The following NSDHL variants were observed in gnomAD, a reference collection of about 807,000 sequenced individuals.
The protein encoded by NSDHL is NAD(P) dependent 3-beta-hydroxysteroid dehydrogenase NSDHL.
Under a neutral mutation model 23.0 loss-of-function variants are expected in NSDHL, and 1 was observed. That is an observed-to-expected ratio of 0.04 (90% CI 0.02 to 0.21). The LOEUF is 0.21. Among genes scored for constraint, NSDHL ranks in the 10% least tolerant of loss-of-function variants. NSDHL has a pLI of 1.00. For synonymous variants in NSDHL, 128 were observed against 121.1 expected (o/e 1.06, Z -0.37); for missense variants, 237 against 300.9 (o/e 0.79, Z 1.57).
chrX:152,835,316 A>G (rs1435373042), intron 1 of NSDHL, among the ~76,000 whole-genome samples: 1 of 105,864 alleles, frequency 9.4e-6, no homozygotes, highest in African/African-American at 3.5e-5. Context: ...TTTAATTATT[A>G]TTATACTTTA....
chrX:152,862,842 A>T, intron 5 of NSDHL, 118 bp downstream of exon 5: 1 of 730,837 alleles, frequency 1.4e-6, no homozygotes. Flanking sequence ...TGAGATGTAA[A>T]ATTTGTGGGT....
chrX:152,843,238 C>T (rs1384748567), intron 1 of NSDHL, among the ~76,000 whole-genome samples: 2 of 111,940 alleles, frequency 1.8e-5, no homozygotes, highest in African/African-American at 3.3e-5. Flanking sequence ...GGCTCTAAGG[C>T]TTCTTGCTTT....
intron 1 of NSDHL, among the ~76,000 whole-genome samples, chrX:152,840,812 T>C (rs1356839138): frequency 1.8e-5 from 2 of 112,784 alleles, no homozygotes; most frequent in African/African-American, 6.4e-5. Flanking sequence ...TCAAACGCCA[T>C]GCTGGGAGAA....
chrX:152,867,463 C>T (rs1005816969), intron 6 of NSDHL, 108 bp from the exon 7 acceptor site: 55 of 603,689 alleles, frequency 9.1e-5, no homozygotes, highest in African/African-American at 2.2e-5. Flanking sequence ...AGTGAGGTGG[C>T]AGCCATTCTG....
rs1016106756 is a variant in NSDHL, at chrX:152,868,686, A to G, written c.790-98A>G. ...GGCCACGTGGAAAGCTGCAGCAATT[A>G]GGCAGTGAGAATGCGATCTGCACGG... On this transcript the variant is annotated intron_variant, in intron 7 of 7. Transcript: ENST00000370274. 5.0e-5 allele frequency: 35 copies of G among 700,063 alleles called. No homozygotes were observed. In the African/African-American group the frequency reaches 5.5e-4, roughly 11 times the overall value. The allele number at this position is 700,063 out of a possible 1,213,427, so 57.7% of individuals were successfully genotyped here. A position where few individuals can be genotyped will look rare whatever the true frequency, so the allele number is the denominator to read the frequency against.
intron 1 of NSDHL, among the ~76,000 whole-genome samples, chrX:152,840,683 G>A: frequency 8.9e-6 from 1 of 111,852 alleles, no homozygotes. Flanking sequence ...TGGGAGCTTC[G>A]TGCCAGAGGG....
At chrX:152,833,346 AT>A (rs1273759590) in intron 1 of NSDHL, among the ~76,000 whole-genome samples, 1 of 25,281 alleles carries the variant, frequency 4.0e-5, no homozygotes, top group Non-Finnish European at 8.5e-5. Flanking sequence ...TGCTCTTGTC[AT>A]TCCCCCCCGC....
rs1556848507 is a variant in NSDHL at position 152,868,940 on chromosome X, C to G, written c.946C>G (p.Pro316Ala). 2.5e-6 allele frequency: 3 copies of G among 1,212,202 alleles called. No individual in the cohort carries two copies. The highest frequency in any genetic ancestry group is 3.3e-6 in the Non-Finnish European group (3 of 895,604). ...LLSLLVMVISPVIQLQPTFTP... is the reference protein window; with the variant it reads ...LLSLLVMVISAVIQLQPTFTP... ...ATCCCTGCTGGTGATGGTGATCAGT[C>G]CTGTCATCCAGCTGCAGCCCACCTT... Residue 316 changes from proline (P) to alanine (A), a missense_variant, in exon 8 of 8, where the codon CCT becomes GCT. Pro to Ala is a conservative substitution (Grantham distance 27). Around this residue, in one of 3 missense-constraint regions of NSDHL, gnomAD observed 117 missense variants for 99.5 expected, o/e 1.18. Coordinates refer to ENST00000370274, the MANE Select transcript of NSDHL (RefSeq NM_015922.3).
chrX:152,867,063 C>T (rs781971477), intron 6 of NSDHL, among the ~76,000 whole-genome samples: 5 of 111,841 alleles, frequency 4.5e-5, no homozygotes, highest in African/African-American at 1.6e-4. Context: ...CAGGGGACAA[C>T]AGTGTGCCTC....
chrX:152,850,116 A>G, intron 2 of NSDHL, 149 bp from the exon 3 acceptor site: 3 of 578,773 alleles, frequency 5.2e-6, no homozygotes, highest in South Asian at 4.9e-5. Context: ...GAACACCAGG[A>G]TGATATAAAG....
At chrX:152,850,456 C>T (rs937239569) in intron 3 of NSDHL, 33 bp downstream of exon 3, 7 of 1,192,257 alleles carry the variant, frequency 5.9e-6, no homozygotes, top group Middle Eastern at 2.4e-4. Flanking sequence ...TGATTTCCCA[C>T]GAGCCCACGA....
rs1175282620 is a variant in NSDHL, at chrX:152,865,723, T to C, written c.544-96T>C. On this transcript the variant is annotated intron_variant, in intron 5 of 7. Transcript: ENST00000370274. The stretch of plus-strand genomic sequence containing the variant: ...GCCAGCAGAGTGTGTCATCTGTCTG[T>C]CCCCCACGAGTGGTGCTTCTCACCC... 3 of 1,050,439 alleles carry C rather than the reference T, an allele frequency of 2.9e-6. No individual in the cohort carries two copies. The African/African-American group carries it at 5.5e-5, about 19-fold the overall frequency. The allele number at this position is 1,050,439 out of a possible 1,213,427, so 86.6% of individuals were successfully genotyped here. A position where few individuals can be genotyped will look rare whatever the true frequency, so the allele number is the denominator to read the frequency against.
At chrX:152,844,418 C>T (rs782201655) in intron 1 of NSDHL, among the ~76,000 whole-genome samples, 1 of 112,246 alleles carries the variant, frequency 8.9e-6, no homozygotes, top group Admixed American at 9.4e-5. Context: ...GGTGGGCTTG[C>T]TTAGCCCGGC....
At chrX:152,857,508 A>G (rs971151425) in intron 3 of NSDHL, among the ~76,000 whole-genome samples, 1 of 112,216 alleles carries the variant, frequency 8.9e-6, no homozygotes, top group African/African-American at 3.2e-5. Context: ...AGGACAGTCT[A>G]TAAAATAACC....
intron 6 of NSDHL, among the ~76,000 whole-genome samples, chrX:152,867,301 A>G (rs1240007901): frequency 1.8e-5 from 2 of 112,250 alleles, no homozygotes; most frequent in Non-Finnish European, 3.8e-5. Context: ...AAATCGGGAC[A>G]GGAGAGACAG....
In NSDHL at chrX:152,868,877, A is replaced by G; in HGVS notation, c.883A>G (p.Ile295Val). Residue 295 changes from isoleucine to valine, a missense_variant, in exon 8 of 8, where the codon ATC becomes GTC. Transcript: ENST00000370274. ...GLNYEAPKYHIPYWVAYYLAL... is the reference protein window; with the variant it reads ...GLNYEAPKYHVPYWVAYYLAL... ...CAATTATGAGGCCCCCAAGTACCAC[A>G]TCCCCTACTGGGTGGCCTACTACCT... 1 of 1,211,063 alleles carries G rather than the reference A, an allele frequency of 8.3e-7. No individual in the cohort carries two copies. The highest frequency in any genetic ancestry group is 1.8e-5 in the South Asian group (1 of 56,965).
chrX:152,834,530 G>T (rs1186383070), intron 1 of NSDHL, among the ~76,000 whole-genome samples: 1 of 112,570 alleles, frequency 8.9e-6, no homozygotes, highest in Non-Finnish European at 1.9e-5. Context: ...TCCTAATCTG[G>T]GTATTTTCTT....
At chrX:152,867,343 C>T (rs1340694166) in intron 6 of NSDHL, among the ~76,000 whole-genome samples, 3 of 112,112 alleles carry the variant, frequency 2.7e-5, no homozygotes, top group Non-Finnish European at 5.6e-5. Context: ...AATGGGTGGG[C>T]AGGTCCCCCA....
chrX:152,855,205 G>A lies in NSDHL; in HGVS notation c.268-3565G>A, dbSNP rs782575279. 3.7e-3 allele frequency among the ~76,000 whole-genome samples: 400 copies of A among 109,426 alleles called. 1 individual carries two copies. The highest frequency in any genetic ancestry group is 0.013 in the African/African-American group (386 of 30,039). On this transcript the variant is annotated intron_variant, in intron 3 of 7. Coordinates refer to ENST00000370274, the MANE Select transcript of NSDHL (RefSeq NM_015922.3). ...AGACAGGGTTTCACCATGTTGGCCA[G>A]GCTAGTCTTGAACTCCTGACCTCAA...
Sources: allele counts gnomAD v4.1 joint callset (sites outside exome capture counted in the v4.1 genomes callset), GRCh38; gene constraint gnomAD v4.1.1; regional missense constraint gnomAD v4.1.1; transcripts MANE v1.5; gene names NCBI Gene and HGNC (gene_info 2026-07-23, HGNC 2026-07-21).